The following CCDC122 variants were observed in gnomAD, a reference collection of about 807,000 sequenced individuals.
CCDC122 encodes the protein coiled-coil domain containing 122.
CCDC122 carries 38 observed loss-of-function variants against 37.0 expected under a neutral mutation model. The observed-to-expected ratio is 1.03, with a 90% CI of 0.79 to 1.35. CCDC122 has a LOEUF of 1.35. Ranked by LOEUF, CCDC122 falls within the 40% of genes most tolerant of loss-of-function variation. The pLI is 0.00. For missense variants in CCDC122, 305 were observed against 310.0 expected (o/e 0.98, Z 0.12); for synonymous variants, 83 against 95.6 (o/e 0.87, Z 0.77).
chr13:43,834,685 T>A (rs1053975936), downstream of CCDC122, among the ~76,000 whole-genome samples: 4 of 152,216 alleles, frequency 2.6e-5, no homozygotes, highest in Non-Finnish European at 5.9e-5. Flanking sequence ...AAGACATTTA[T>A]GCAGCCAAAA....
intron 4 of CCDC122, among the ~76,000 whole-genome samples, chr13:43,863,125 A>G (rs1954165057): frequency 6.6e-6 from 1 of 152,092 alleles, no homozygotes; most frequent in African/African-American, 2.4e-5. Flanking sequence ...TAAGATAATA[A>G]ACGTAGTCAT....
At chr13:43,875,601 T>C (rs1341458526) in intron 1 of CCDC122, among the ~76,000 whole-genome samples, 1 of 152,182 alleles carries the variant, frequency 6.6e-6, no homozygotes, top group Non-Finnish European at 1.5e-5. Context: ...AGGAAGTCTA[T>C]AAATTAGACT....
downstream of CCDC122, among the ~76,000 whole-genome samples, chr13:43,834,006 C>T (rs1317238098): frequency 6.6e-6 from 1 of 152,084 alleles, no homozygotes; most frequent in African/African-American, 2.4e-5. Flanking sequence ...GTTGAAATAT[C>T]ATATCCACTA....
At chr13:43,838,458 C>T (rs1348088316) in intron 6 of CCDC122, among the ~76,000 whole-genome samples, 4 of 152,040 alleles carry the variant, frequency 2.6e-5, no homozygotes, top group African/African-American at 7.3e-5. Flanking sequence ...GTCTTCGTGT[C>T]GGGCCACAAG....
At chr13:43,848,000 C>T (rs1216046745) in intron 6 of CCDC122, among the ~76,000 whole-genome samples, 1 of 152,152 alleles carries the variant, frequency 6.6e-6, no homozygotes, top group Non-Finnish European at 1.5e-5. Context: ...GTCTCAAACT[C>T]TTGGGCTCAA....
At position 43,836,946 on chromosome 13, in the gene CCDC122, C is replaced by A; in HGVS notation, c.*334G>T. The A allele has an allele frequency of 5.6e-6, 1 of 178,108 alleles. No homozygotes were observed. Among genetic ancestry groups the A allele is most frequent in the East Asian group, 1.4e-4 (1 of 7,168 alleles). The allele number at this position is 178,108 out of a possible 1,614,324, so 11.0% of individuals were successfully genotyped here. On this transcript the variant is annotated 3_prime_UTR_variant, in exon 7 of 7. Transcript: ENST00000444614. ...CAGTGAAAATTCGAGTGTTTTTTCC[C>A]TTCTAAATTTTTACTTCATAGGGTA... is the stretch of plus-strand genomic sequence containing the variant.
At chr13:43,850,762 G>A (rs184333355) in intron 6 of CCDC122, among the ~76,000 whole-genome samples, 1 of 152,148 alleles carries the variant, frequency 6.6e-6, no homozygotes, top group African/African-American at 2.4e-5. Context: ...AAGTATTCAA[G>A]TAACTGATGG....
chr13:43,871,869 G>A (rs547258525), intron 2 of CCDC122, among the ~76,000 whole-genome samples: 13 of 151,964 alleles, frequency 8.6e-5, no homozygotes, highest in South Asian at 4.2e-4. Flanking sequence ...GACTATATAG[G>A]CTTTAACTTT....
intron 4 of CCDC122, among the ~76,000 whole-genome samples, chr13:43,865,910 C>G (rs1167972892): frequency 6.6e-6 from 1 of 152,140 alleles, no homozygotes; most frequent in African/African-American, 2.4e-5. Flanking sequence ...TACAGCTTCT[C>G]TGTGGCATAT....
chr13:43,845,906 G>A (rs1397467279), intron 6 of CCDC122, among the ~76,000 whole-genome samples: 4 of 151,766 alleles, frequency 2.6e-5, no homozygotes, highest in African/African-American at 9.7e-5. Flanking sequence ...ATCATTATAC[G>A]CTTCTTTTAA....
intron 3 of CCDC122, among the ~76,000 whole-genome samples, chr13:43,824,488 C>T (rs1478240934): frequency 1.3e-5 from 2 of 152,188 alleles, no homozygotes; most frequent in Non-Finnish European, 2.9e-5. Context: ...TTGTGGACAT[C>T]AGCCTAGGCA....
downstream of CCDC122, among the ~76,000 whole-genome samples, chr13:43,835,165 A>T (rs1395778921): frequency 6.6e-6 from 1 of 152,240 alleles, no homozygotes; most frequent in African/African-American, 2.4e-5. Context: ...TTGTAGGGAC[A>T]TGGATGAAGC....
At chr13:43,866,919 T>G (rs1374539385) in intron 4 of CCDC122, among the ~76,000 whole-genome samples, 1 of 152,176 alleles carries the variant, frequency 6.6e-6, no homozygotes, top group Non-Finnish European at 1.5e-5. Flanking sequence ...GAGTTTTATT[T>G]CTTTTTCTTG....
downstream of CCDC122, among the ~76,000 whole-genome samples, chr13:43,833,916 C>G (rs145060840): frequency 1.8e-4 from 27 of 152,216 alleles, no homozygotes; most frequent in East Asian, 4.8e-3. Context: ...CAAAAGAGCT[C>G]ATATTCTAAG....
chr13:43,858,891 T>C lies in CCDC122; in HGVS notation c.562A>G (p.Ile188Val), dbSNP rs767407128. The part of the protein sequence containing the change: ...GNRITQVQED[I>V]TNLKDKIITV... Reference sequence around the variant, plus strand: ...ATAATTTTATCCTTTAAGTTTGTAATGTCTTCCTGTATGTTGACAACATTT... The same window carrying C: ...ATAATTTTATCCTTTAAGTTTGTAACGTCTTCCTGTATGTTGACAACATTT... Residue 188 changes from isoleucine to valine, a missense_variant, in exon 6 of 7, where the codon ATT becomes GTT. Physicochemically the swap from Ile to Val is conservative, Grantham distance 29. Coordinates refer to ENST00000444614, the MANE Select transcript of CCDC122 (RefSeq NM_144974.5). The C allele has an allele frequency of 4.1e-5, 58 of 1,402,696 alleles. No individual in the cohort carries two copies. The highest frequency in any genetic ancestry group is 4.9e-5 in the Non-Finnish European group (51 of 1,044,474). The allele number at this position is 1,402,696 out of a possible 1,614,324, so 86.9% of individuals were successfully genotyped here.
At chr13:43,860,143 CATA>C in intron 4 of CCDC122, 73 bp from the exon 5 acceptor site, 1 of 761,054 alleles carries the variant, frequency 1.3e-6, no homozygotes, top group Non-Finnish European at 1.8e-6. Context: ...TGTTTTAATC[CATA>C]ATGAATATAG....
intron 2 of CCDC122, 168 bp downstream of exon 2, chr13:43,874,674 A>G (rs1226063941): frequency 6.6e-6 from 1 of 152,242 alleles, no homozygotes; most frequent in Non-Finnish European, 1.5e-5. Flanking sequence ...AATGAAAAGA[A>G]AAATGAAAAC....
chr13:43,839,468 C>T (rs1953272933), intron 6 of CCDC122, among the ~76,000 whole-genome samples: 1 of 152,042 alleles, frequency 6.6e-6, no homozygotes, highest in Non-Finnish European at 1.5e-5. Context: ...TATGATATAC[C>T]ACATTTTATT....
chr13:43,865,080 C>T (rs1167245089), intron 4 of CCDC122, among the ~76,000 whole-genome samples: 3 of 152,182 alleles, frequency 2.0e-5, no homozygotes, highest in Non-Finnish European at 4.4e-5. Context: ...CCCCCTCCCA[C>T]ATACCTATCC....
Sources: allele counts gnomAD v4.1 joint callset (sites outside exome capture counted in the v4.1 genomes callset), GRCh38; gene constraint gnomAD v4.1.1; transcripts MANE v1.5; gene names NCBI Gene and HGNC (gene_info 2026-07-23, HGNC 2026-07-21).